Variants in PRKN observed in about 807,000 individuals in gnomAD.
PRKN encodes the protein E3 ubiquitin-protein ligase parkin.
Under a neutral mutation model 59.5 loss-of-function variants are expected in PRKN, and 56 were observed. That is an observed-to-expected ratio of 0.94 (90% CI 0.76 to 1.18). The LOEUF is 1.18. Ranked by LOEUF, PRKN falls within the 50% of genes most tolerant of loss-of-function variation. The pLI is 0.00. For missense variants in PRKN, 657 were observed against 596.4 expected (o/e 1.10, Z -1.06); for synonymous variants, 250 against 222.1 (o/e 1.13, Z -1.12).
At chr6:161,941,202 C>T (rs1022392284) in intron 6 of PRKN, among the ~76,000 whole-genome samples, 2 of 152,224 alleles carry the variant, frequency 1.3e-5, no homozygotes, top group South Asian at 2.1e-4. Context: ...CCACCCTGGC[C>T]TTCCACATCC....
intron 1 of PRKN, among the ~76,000 whole-genome samples, chr6:162,542,906 T>A (rs1395267304): frequency 6.6e-6 from 1 of 152,002 alleles, no homozygotes; most frequent in Non-Finnish European, 1.5e-5. Flanking sequence ...CTCCGCCGAG[T>A]GCCCTAACCA....
chr6:162,179,668 T>C (rs926538725), intron 4 of PRKN, among the ~76,000 whole-genome samples: 1 of 152,168 alleles, frequency 6.6e-6, no homozygotes, highest in African/African-American at 2.4e-5. Context: ...TGAAGGTTTA[T>C]GCCCCTTACT....
At chr6:162,539,914 C>T (rs1319832500) in intron 1 of PRKN, among the ~76,000 whole-genome samples, 1 of 152,026 alleles carries the variant, frequency 6.6e-6, no homozygotes, top group African/African-American at 2.4e-5. Flanking sequence ...AAAATTGTTG[C>T]GAATTTATTT....
intron 1 of PRKN, among the ~76,000 whole-genome samples, chr6:162,446,423 C>T (rs1790319796): frequency 6.6e-6 from 1 of 152,112 alleles, no homozygotes; most frequent in Non-Finnish European, 1.5e-5. Flanking sequence ...GGAACTCCTA[C>T]TGCAAGGATG....
intron 7 of PRKN, among the ~76,000 whole-genome samples, chr6:161,750,861 G>C (rs1788662606): frequency 6.6e-6 from 1 of 151,700 alleles, no homozygotes; most frequent in Non-Finnish European, 1.5e-5. Context: ...AGAGCAAGCA[G>C]ATAAGGCTCT....
At chr6:162,537,306 A>G (rs1583753321) in intron 1 of PRKN, among the ~76,000 whole-genome samples, 1 of 152,292 alleles carries the variant, frequency 6.6e-6, no homozygotes, top group African/African-American at 2.4e-5. Context: ...ATACTCTGCC[A>G]TCTCACTAGC....
chr6:162,474,268 A>G (rs1264884687), intron 1 of PRKN, among the ~76,000 whole-genome samples: 1 of 152,202 alleles, frequency 6.6e-6, no homozygotes, highest in Non-Finnish European at 1.5e-5. Flanking sequence ...CCAATAATAC[A>G]ACTGGGACAT....
At chr6:162,376,260 C>T (rs1429039762) in intron 2 of PRKN, among the ~76,000 whole-genome samples, 1 of 152,016 alleles carries the variant, frequency 6.6e-6, no homozygotes, top group East Asian at 1.9e-4. Flanking sequence ...ATTACTTTAC[C>T]CATCCTAGAA....
intron 2 of PRKN, among the ~76,000 whole-genome samples, chr6:162,293,830 C>A (rs182749001): frequency 6.6e-6 from 1 of 152,226 alleles, no homozygotes; most frequent in East Asian, 1.9e-4. Flanking sequence ...GAGTGCCCGC[C>A]ACCGCACCCG....
rs1392254169 is a variant in PRKN, at chr6:161,386,911, A to G, written c.1084-34T>C. 1.3e-6 allele frequency: 2 copies of G among 1,535,632 alleles called. No homozygotes were observed. Among genetic ancestry groups the G allele is most frequent in the Non-Finnish European group, 9.0e-7 (1 of 1,108,382 alleles). On this transcript the variant is annotated intron_variant, in intron 9 of 11. Coordinates refer to ENST00000366898, the MANE Select transcript of PRKN (RefSeq NM_004562.3). The surrounding 1 kb of genome is among the most constrained non-coding windows in gnomAD (Gnocchi z 4.3). ...GAACACACATCCATTAATTAGGGACATTAGGTTGCATTTGGCAATAACACA... is the reference window on the plus strand; with the variant it reads ...GAACACACATCCATTAATTAGGGACGTTAGGTTGCATTTGGCAATAACACA...
intron 7 of PRKN, among the ~76,000 whole-genome samples, chr6:161,577,297 C>T (rs1048430424): frequency 2.0e-5 from 3 of 152,104 alleles, no homozygotes; most frequent in Non-Finnish European, 4.4e-5. Flanking sequence ...TCATCAAAGC[C>T]GGGTAGTGTG....
chr6:162,442,320 C>T (rs904161672), intron 2 of PRKN, among the ~76,000 whole-genome samples: 5 of 152,192 alleles, frequency 3.3e-5, no homozygotes, highest in African/African-American at 1.2e-4. Flanking sequence ...ACCCACACAG[C>T]TGTAAACCTG....
chr6:161,613,300 C>T (rs57608578), intron 7 of PRKN, among the ~76,000 whole-genome samples: 4,472 of 152,054 alleles, frequency 0.029, 216 homozygotes, highest in African/African-American at 0.1. Flanking sequence ...GAAGATGTGA[C>T]TCAATTGCAG....
At chr6:162,166,851 A>G (rs1005407288) in intron 4 of PRKN, among the ~76,000 whole-genome samples, 2 of 152,118 alleles carry the variant, frequency 1.3e-5, no homozygotes, top group Non-Finnish European at 2.9e-5. Flanking sequence ...CAGATGCCCA[A>G]TGAGACTGTG....
chr6:161,717,994 G>T (rs897217658), intron 7 of PRKN, among the ~76,000 whole-genome samples: 1 of 152,188 alleles, frequency 6.6e-6, no homozygotes, highest in Non-Finnish European at 1.5e-5. Context: ...CAGACGCATG[G>T]CAGAACGTGG....
intron 1 of PRKN, among the ~76,000 whole-genome samples, chr6:162,651,768 CAT>C (rs1207234586): frequency 6.6e-6 from 1 of 152,038 alleles, no homozygotes; most frequent in Admixed American, 6.6e-5. Flanking sequence ...CTGGTGCTGA[CAT>C]ATGTGAAAAG....
intron 6 of PRKN, among the ~76,000 whole-genome samples, chr6:161,795,853 T>C (rs1702075437): frequency 6.6e-6 from 1 of 152,142 alleles, no homozygotes; most frequent in South Asian, 2.1e-4. Flanking sequence ...GGGAAAAAGA[T>C]GTGAAAACAC....
chr6:162,146,828 T>C (rs1782050716), intron 4 of PRKN, among the ~76,000 whole-genome samples: 1 of 151,898 alleles, frequency 6.6e-6, no homozygotes, highest in Admixed American at 6.6e-5. Flanking sequence ...CCTCCTGGGC[T>C]CAAGTGATTC....
intron 3 of PRKN, among the ~76,000 whole-genome samples, chr6:162,228,692 C>T (rs559340496): frequency 6.6e-6 from 1 of 152,258 alleles, no homozygotes; most frequent in African/African-American, 2.4e-5. Context: ...AAAATCTTCA[C>T]TTTAATGAGG....
Sources: allele counts gnomAD v4.1 joint callset (sites outside exome capture counted in the v4.1 genomes callset), GRCh38; gene constraint gnomAD v4.1.1; non-coding constraint Gnocchi (gnomAD v3.1); transcripts MANE v1.5; gene names NCBI Gene and HGNC (gene_info 2026-07-23, HGNC 2026-07-21).